Variants in GRM8 observed in about 807,000 individuals in gnomAD.
GRM8 encodes the protein metabotropic glutamate receptor 8.
GRM8 carries 47 observed loss-of-function variants against 87.2 expected under a neutral mutation model. The observed-to-expected ratio is 0.54, with a 90% CI of 0.43 to 0.69. The LOEUF (loss-of-function observed/expected upper bound fraction) is 0.69, where lower values mean the gene tolerates loss of function less well. GRM8 is among the 30% of genes least tolerant of loss of function. The pLI is 0.00. For synonymous variants in GRM8, 396 were observed against 404.5 expected (o/e 0.98, Z 0.25); for missense variants, 1,019 against 1,139.2 (o/e 0.89, Z 1.52).
chr7:127,040,271 G>C (rs1818300043), intron 3 of GRM8, among the ~76,000 whole-genome samples: 1 of 152,072 alleles, frequency 6.6e-6, no homozygotes, highest in South Asian at 2.1e-4. Context: ...ATGGGTTTCA[G>C]AGCAGAGCTG....
intron 9 of GRM8, among the ~76,000 whole-genome samples, chr7:126,483,364 T>G: frequency 6.6e-6 from 1 of 150,640 alleles, no homozygotes; most frequent in Admixed American, 6.6e-5. Flanking sequence ...GACTTGAGCA[T>G]CAGTCACTAC....
At chr7:127,020,863 C>T (rs191817576) in intron 3 of GRM8, among the ~76,000 whole-genome samples, 11 of 152,050 alleles carry the variant, frequency 7.2e-5, no homozygotes, top group Non-Finnish European at 7.4e-5. Flanking sequence ...TGTCCAATTA[C>T]CATTCAGAAT....
intron 1 of GRM8, among the ~76,000 whole-genome samples, chr7:127,250,282 C>T (rs1272547562): frequency 1.3e-5 from 2 of 152,240 alleles, no homozygotes; most frequent in African/African-American, 4.8e-5. Flanking sequence ...CTCACTGGAG[C>T]TCAGCTCTTC....
At chr7:126,554,202 TA>T (rs1298746224) in intron 8 of GRM8, among the ~76,000 whole-genome samples, 11 of 151,700 alleles carry the variant, frequency 7.3e-5, no homozygotes, top group Non-Finnish European at 1.5e-4. Flanking sequence ...AATACAGACA[TA>T]AGATTTTTTT....
At chr7:127,217,759 T>C (rs1290814633) in intron 2 of GRM8, among the ~76,000 whole-genome samples, 1 of 152,230 alleles carries the variant, frequency 6.6e-6, no homozygotes, top group Non-Finnish European at 1.5e-5. Flanking sequence ...AACATATTGA[T>C]TCCTTTTGGT....
intron 6 of GRM8, among the ~76,000 whole-genome samples, chr7:126,846,435 C>T (rs1364850817): frequency 1.3e-5 from 2 of 152,154 alleles, no homozygotes; most frequent in Admixed American, 6.5e-5. Context: ...ACCTTTAGAA[C>T]GTTGTCTAAG....
chr7:127,169,369 A>G (rs1024041380), intron 2 of GRM8, among the ~76,000 whole-genome samples: 5 of 152,224 alleles, frequency 3.3e-5, no homozygotes, highest in Non-Finnish European at 5.9e-5. Context: ...CTTCAATTCT[A>G]TGATGGCTGA....
At chr7:126,816,985 G>T (rs1046920077) in intron 6 of GRM8, among the ~76,000 whole-genome samples, 16 of 151,932 alleles carry the variant, frequency 1.1e-4, no homozygotes, top group Admixed American at 2.6e-4. Context: ...AAGAAATAAA[G>T]ACTCTTATGA....
intron 2 of GRM8, among the ~76,000 whole-genome samples, chr7:127,130,340 G>A (rs1313318860): frequency 1.3e-5 from 2 of 152,190 alleles, no homozygotes; most frequent in Non-Finnish European, 2.9e-5. Context: ...ACAGGCAGAG[G>A]TTGGAACAGT....
At chr7:126,944,479 A>G (rs1395679991) in intron 3 of GRM8, among the ~76,000 whole-genome samples, 2 of 152,162 alleles carry the variant, frequency 1.3e-5, no homozygotes, top group African/African-American at 2.4e-5. Flanking sequence ...GAAACCCCCA[A>G]CGCAGCCCAG....
intron 9 of GRM8, chr7:126,512,199 GT>G (rs1455412012): frequency 6.6e-6 from 1 of 152,092 alleles, no homozygotes; most frequent in Non-Finnish European, 1.5e-5. Flanking sequence ...CCCAGAGGAA[GT>G]TAGAGAATAA....
At chr7:126,600,195 G>A (rs1797594950) in intron 8 of GRM8, among the ~76,000 whole-genome samples, 1 of 152,080 alleles carries the variant, frequency 6.6e-6, no homozygotes, top group East Asian at 1.9e-4. Flanking sequence ...GTAGTTATGA[G>A]TATATGGTTG....
chr7:127,246,681 G>C (rs996385102), intron 1 of GRM8, among the ~76,000 whole-genome samples: 8 of 152,166 alleles, frequency 5.3e-5, no homozygotes, highest in African/African-American at 1.9e-4. Context: ...CAGGCACCCT[G>C]GCTGGACCCC....
chr7:126,768,357 TAAAAAAAAAAAA>T (rs57868820), intron 7 of GRM8, among the ~76,000 whole-genome samples: 14 of 53,550 alleles, frequency 2.6e-4, no homozygotes, highest in Non-Finnish European at 3.7e-4. Context: ...TTTGATAATG[TAAAAAAAAAAAA>T]AAAAAAAAAA....
intron 6 of GRM8, among the ~76,000 whole-genome samples, chr7:126,783,708 T>C (rs940716836): frequency 5.3e-5 from 8 of 152,186 alleles, no homozygotes; most frequent in Non-Finnish European, 1.2e-4. Flanking sequence ...GTATGGGGTG[T>C]CTGCTTTTTG....
At chr7:127,209,730 G>A (rs1341690449) in intron 2 of GRM8, among the ~76,000 whole-genome samples, 1 of 152,218 alleles carries the variant, frequency 6.6e-6, no homozygotes, top group Non-Finnish European at 1.5e-5. Context: ...CTTCACTGAA[G>A]TTCCTCTGGT....
At position 126,836,827 on chromosome 7, in the gene GRM8, A is replaced by G. The variant is rs139415627; in HGVS notation, c.1156+65715T>C. On this transcript the variant is annotated intron_variant, in intron 6 of 10. Coordinates refer to ENST00000339582, the MANE Select transcript of GRM8 (RefSeq NM_000845.3). ...TTACTCTTTCCCTCATTAGACCATA[A>G]GATTTCTGAAGTCTTATACATGGTA... Among the ~76,000 whole-genome samples, 11 of 152,288 alleles carry G rather than the reference A, an allele frequency of 7.2e-5. No homozygotes were observed. In the East Asian group the frequency reaches 1.9e-3, roughly 27 times the overall value.
intron 6 of GRM8, among the ~76,000 whole-genome samples, chr7:126,862,810 T>C (rs1007883569): frequency 5.3e-5 from 8 of 152,128 alleles, no homozygotes; most frequent in African/African-American, 1.9e-4. Flanking sequence ...GATATCTTTT[T>C]TTATTTCTCA....
At chr7:127,058,997 A>T (rs1204456526) in intron 3 of GRM8, among the ~76,000 whole-genome samples, 2 of 152,186 alleles carry the variant, frequency 1.3e-5, no homozygotes, top group South Asian at 4.1e-4. Context: ...CAGAAGAAAC[A>T]GTGTCACCTT....
Sources: gnomAD v4.1 joint callset for allele counts (sites outside exome capture counted in the v4.1 genomes callset) on GRCh38, gnomAD v4.1.1 for gene constraint, MANE v1.5 for transcripts, NCBI Gene and HGNC (gene_info 2026-07-23, HGNC 2026-07-21) for gene names.